Variants in TRIQK observed in about 807,000 individuals in gnomAD.
TRIQK encodes triple QxxK/R motif containing.
Under a neutral mutation model 10.8 loss-of-function variants are expected in TRIQK, and 10 were observed. That is an observed-to-expected ratio of 0.92 (90% confidence interval 0.57 to 1.57). The LOEUF is 1.57. TRIQK is among the 40% of genes most tolerant of loss of function. The pLI is 0.00. For synonymous variants in TRIQK, 33 were observed against 33.7 expected (o/e 0.98, Z 0.07); for missense variants, 107 against 97.7 (o/e 1.09, Z -0.40).
chr8:92,915,285 T>C (rs1809766648), intron 3 of TRIQK, among the ~76,000 whole-genome samples: 1 of 152,148 alleles, frequency 6.6e-6, no homozygotes, highest in Non-Finnish European at 1.5e-5. Context: ...AGATCTAATA[T>C]ACCACATGAG....
intron 4 of TRIQK, among the ~76,000 whole-genome samples, chr8:92,890,906 A>G (rs1816733718): frequency 6.6e-6 from 1 of 151,946 alleles, no homozygotes; most frequent in South Asian, 2.1e-4. Flanking sequence ...GTCATAAAGA[A>G]TTTTTTTAAT....
chr8:92,946,367 G>C (rs1322616353), intron 2 of TRIQK, among the ~76,000 whole-genome samples: 3 of 152,150 alleles, frequency 2.0e-5, no homozygotes, highest in Non-Finnish European at 4.4e-5. Flanking sequence ...CTGGAGATAA[G>C]CTTGGTTATA....
intron 2 of TRIQK, among the ~76,000 whole-genome samples, chr8:92,931,252 A>G (rs904290222): frequency 1.3e-5 from 2 of 152,176 alleles, no homozygotes; most frequent in Non-Finnish European, 2.9e-5. Context: ...TGTTTTATCC[A>G]ATGTTAAAAT....
At chr8:92,899,042 A>G (rs1808780911) in intron 3 of TRIQK, among the ~76,000 whole-genome samples, 1 of 148,426 alleles carries the variant, frequency 6.7e-6, no homozygotes, top group Non-Finnish European at 1.5e-5. Flanking sequence ...ATCAGGCCAG[A>G]GTGCAGTGGC....
In TRIQK at chr8:92,909,769, G is replaced by T. The variant is rs7842736; in HGVS notation, c.61+7160C>A. Among the ~76,000 whole-genome samples the T allele has an allele frequency of 6.9e-3, 1,052 of 151,708 alleles. 11 individuals carry two copies. Among genetic ancestry groups the T allele is most frequent in the African/African-American group, 0.024 (998 of 41,480 alleles). On this transcript the variant is annotated intron_variant, in intron 3 of 4. Coordinates refer to ENST00000521988, the MANE Select transcript of TRIQK (RefSeq NM_001171797.2). Reference sequence around the variant, plus strand: ...GGAGGAGAATTATAGTTAAATAGAAGATGTTATAAATAATATCAATCTTGA... The same window carrying T: ...GGAGGAGAATTATAGTTAAATAGAATATGTTATAAATAATATCAATCTTGA...
At chr8:92,888,399 T>A (rs1308119762) in intron 4 of TRIQK, among the ~76,000 whole-genome samples, 1 of 151,686 alleles carries the variant, frequency 6.6e-6, no homozygotes, top group African/African-American at 2.4e-5. Flanking sequence ...AAGCAGAGAA[T>A]ATTCATAGAA....
At chr8:92,902,339 G>A (rs532863220) in intron 3 of TRIQK, among the ~76,000 whole-genome samples, 2 of 152,206 alleles carry the variant, frequency 1.3e-5, no homozygotes, top group African/African-American at 4.8e-5. Context: ...TTCCCTGTGT[G>A]GCTTTCCACT....
chr8:92,974,976 T>C (rs778912995), intron 1 of TRIQK, among the ~76,000 whole-genome samples: 4 of 152,194 alleles, frequency 2.6e-5, no homozygotes, highest in Non-Finnish European at 5.9e-5. Flanking sequence ...GAAAGACAGC[T>C]TTGGTTTCAG....
chr8:92,939,429 T>A (rs1811158391), intron 2 of TRIQK, among the ~76,000 whole-genome samples: 1 of 151,978 alleles, frequency 6.6e-6, no homozygotes, highest in Non-Finnish European at 1.5e-5. Flanking sequence ...CCAAAATGCC[T>A]ACCCAATGAC....
At chr8:92,949,812 AAGAAAGAAAG>A (rs1264253676) in intron 2 of TRIQK, among the ~76,000 whole-genome samples, 1 of 140,696 alleles carries the variant, frequency 7.1e-6, no homozygotes, top group African/African-American at 2.6e-5. Context: ...GAAAGAAAGA[AAGAAAGAAAG>A]AAAGAAAGAA....
chr8:92,983,590 T>C (rs948462384), intron 1 of TRIQK, among the ~76,000 whole-genome samples: 6 of 152,056 alleles, frequency 3.9e-5, no homozygotes, highest in Non-Finnish European at 5.9e-5. Context: ...TTAGGGACCA[T>C]ACAAACAAAA....
chr8:92,934,591 T>A (rs1810891281), intron 2 of TRIQK, among the ~76,000 whole-genome samples: 1 of 151,896 alleles, frequency 6.6e-6, no homozygotes, highest in South Asian at 2.1e-4. Flanking sequence ...AGTAATTAAA[T>A]GTCAAAAGTA....
At chr8:92,941,748 G>T (rs1364301733) in intron 2 of TRIQK, among the ~76,000 whole-genome samples, 1 of 151,872 alleles carries the variant, frequency 6.6e-6, no homozygotes, top group Non-Finnish European at 1.5e-5. Flanking sequence ...GGAAAAGAAG[G>T]CATTGCACTG....
chr8:92,913,986 G>C (rs774199048), intron 3 of TRIQK, among the ~76,000 whole-genome samples: 2 of 152,124 alleles, frequency 1.3e-5, no homozygotes, highest in African/African-American at 4.8e-5. Context: ...GGGTGTAAGG[G>C]AAAGGATAGC....
chr8:92,908,922 A>G (rs1042760501), intron 3 of TRIQK, among the ~76,000 whole-genome samples: 6 of 151,984 alleles, frequency 3.9e-5, no homozygotes, highest in South Asian at 4.1e-4. Context: ...AAATGCTTCC[A>G]ATCCCTCCTC....
At chr8:93,010,327 G>A (rs1446903749) in intron 1 of TRIQK, among the ~76,000 whole-genome samples, 1 of 151,840 alleles carries the variant, frequency 6.6e-6, no homozygotes, top group Non-Finnish European at 1.5e-5. Flanking sequence ...ACCATGACTT[G>A]ATCATTACTC....
At chr8:92,974,961 G>C (rs1812916326) in intron 1 of TRIQK, among the ~76,000 whole-genome samples, 1 of 152,206 alleles carries the variant, frequency 6.6e-6, no homozygotes, top group Admixed American at 6.5e-5. Context: ...GCTGAGGAGA[G>C]AGCTGAAAGA....
At chr8:92,978,668 G>A (rs1369640986) in intron 1 of TRIQK, among the ~76,000 whole-genome samples, 1 of 152,068 alleles carries the variant, frequency 6.6e-6, no homozygotes, top group Non-Finnish European at 1.5e-5. Context: ...CAACTTCTCA[G>A]GGATTTGTTT....
Position 92,886,648 on chromosome 8 carries a change from G to C in TRIQK, c.235C>G (p.Pro79Ala), listed in dbSNP as rs764600676. 11 of 1,528,378 alleles carry C rather than the reference G, an allele frequency of 7.2e-6. No homozygotes were observed. The African/African-American group carries it at 1.5e-4, about 21-fold the overall frequency. 94.7% of individuals were successfully genotyped at this position (1,528,378 alleles called of 1,614,324 possible). Reference sequence around the variant, plus strand: ...TAATCTTCATCTTGGTCCAGATCAGGGTCAACATCCGTGGTGAGTCTGAGA... The same window carrying C: ...TAATCTTCATCTTGGTCCAGATCAGCGTCAACATCCGTGGTGAGTCTGAGA... The part of the protein sequence containing the change: ...FYLRLTTDVD[P>A]DLDQDED Residue 79 changes from proline to alanine, a missense_variant, in exon 5 of 5, where the codon CCT becomes GCT. Physicochemically the swap from Pro to Ala is conservative, Grantham distance 27 (BLOSUM62 -1). Transcript: ENST00000521988.
Sources: gnomAD v4.1 joint callset for allele counts (sites outside exome capture counted in the v4.1 genomes callset) on GRCh38, gnomAD v4.1.1 for gene constraint, MANE v1.5 for transcripts, NCBI Gene and HGNC (gene_info 2026-07-23, HGNC 2026-07-21) for gene names.